The following UBE2E2 variants were observed in gnomAD, a reference collection of about 807,000 sequenced individuals.
UBE2E2 encodes the protein ubiquitin conjugating enzyme E2 E2, also known as ubiquitin-conjugating enzyme E2 E2.
In UBE2E2, 6 loss-of-function variants were observed where a neutral mutation model predicts 24.7. The ratio of observed to expected loss-of-function variants is 0.24; its 90% CI spans 0.13 to 0.48. The LOEUF is 0.48. Ranked by LOEUF, UBE2E2 falls within the 20% of genes least tolerant of loss-of-function variation. The pLI, the probability that UBE2E2 is intolerant of heterozygous loss-of-function variation, is 0.99. For missense variants in UBE2E2, 169 were observed against 245.0 expected, an observed-to-expected ratio of 0.69 and a Z score of 2.07; for synonymous variants, 104 against 83.6, an observed-to-expected ratio of 1.24 and a Z score of -1.33.
chr3:23,410,595 A>T (rs1697474460), intron 3 of UBE2E2, among the ~76,000 whole-genome samples: 4 of 152,170 alleles, frequency 2.6e-5, no homozygotes, highest in African/African-American at 9.7e-5. Context: ...CTTTTCTACT[A>T]ATTTTATTCC....
chr3:23,417,615 G>T (rs546457916), intron 3 of UBE2E2, among the ~76,000 whole-genome samples: 1 of 152,130 alleles, frequency 6.6e-6, no homozygotes, highest in African/African-American at 2.4e-5. Flanking sequence ...CTGCAGAGCC[G>T]GCAGGCAGGA....
At chr3:23,451,892 T>C (rs2125416867) in intron 3 of UBE2E2, among the ~76,000 whole-genome samples, 1 of 152,356 alleles carries the variant, frequency 6.6e-6, no homozygotes, top group Middle Eastern at 3.4e-3. Flanking sequence ...ATGGATGTTG[T>C]TGCTTATCTC....
At chr3:23,563,078 T>G (rs1458633896) in intron 5 of UBE2E2, among the ~76,000 whole-genome samples, 7 of 152,022 alleles carry the variant, frequency 4.6e-5, no homozygotes, top group Admixed American at 2.0e-4. Context: ...CTTCAGTTCT[T>G]CTCTGATCTT....
intron 3 of UBE2E2, among the ~76,000 whole-genome samples, chr3:23,435,429 C>T (rs2125403935): frequency 6.6e-6 from 1 of 152,340 alleles, no homozygotes; most frequent in Non-Finnish European, 1.5e-5. Context: ...TGGTTTTGGT[C>T]ACTTCCTCCT....
At chr3:23,410,741 A>C (rs1324864191) in intron 3 of UBE2E2, among the ~76,000 whole-genome samples, 1 of 152,188 alleles carries the variant, frequency 6.6e-6, no homozygotes, top group Admixed American at 6.6e-5. Flanking sequence ...AGCAGAAAAC[A>C]TCAAATGTCC....
At position 23,208,845 on chromosome 3, in the gene UBE2E2, C is replaced by T. The variant is rs1696231287; in HGVS notation, c.146C>T (p.Thr49Ile). Residue 49 changes from threonine to isoleucine, a missense_variant, in exon 2 of 6, where the codon ACC (threonine) becomes ATC (isoleucine). Physicochemically the swap from Thr to Ile is moderately conservative, Grantham distance 89. Around this residue, in one of 2 missense-constraint regions of UBE2E2, gnomAD observed 64 missense variants for 64.3 expected, o/e 1.00. Coordinates refer to ENST00000396703, the MANE Select transcript of UBE2E2 (RefSeq NM_152653.4). ...AAGGAGGGAAAAATATCCAGCAAAACCGCTGCTAAATTGTCAACTAGTGCT... is the reference window on the plus strand; with the variant it reads ...AAGGAGGGAAAAATATCCAGCAAAATCGCTGCTAAATTGTCAACTAGTGCT... ...KKKEGKISSKTAAKLSTSAKR... is the reference protein window; with the variant it reads ...KKKEGKISSKIAAKLSTSAKR... 1 of 1,613,136 alleles carries T rather than the reference C, an allele frequency of 6.2e-7. No homozygotes were observed. Among genetic ancestry groups the T allele is most frequent in the Non-Finnish European group, 8.5e-7 (1 of 1,179,504 alleles).
intron 3 of UBE2E2, among the ~76,000 whole-genome samples, chr3:23,225,534 G>C (rs1334420276): frequency 1.3e-5 from 2 of 151,874 alleles, no homozygotes; most frequent in Admixed American, 6.6e-5. Flanking sequence ...CAGTGTCCCA[G>C]CACCATTCGT....
intron 3 of UBE2E2, among the ~76,000 whole-genome samples, chr3:23,244,101 T>C (rs573773481): frequency 6.7e-6 from 1 of 148,452 alleles, no homozygotes; most frequent in East Asian, 2.0e-4. Context: ...AGGGTGATTT[T>C]ATAGGAAGAA....
intron 3 of UBE2E2, among the ~76,000 whole-genome samples, chr3:23,306,809 G>C (rs1201615640): frequency 6.6e-6 from 1 of 152,150 alleles, no homozygotes; most frequent in African/African-American, 2.4e-5. Context: ...ATGGGTGCAT[G>C]ATGTGCAGAA....
At chr3:23,562,163 G>C (rs892139072) in intron 5 of UBE2E2, among the ~76,000 whole-genome samples, 17 of 152,048 alleles carry the variant, frequency 1.1e-4, no homozygotes, top group African/African-American at 4.1e-4. Flanking sequence ...CAAAGGGAAT[G>C]CTTCCAGTTT....
intron 3 of UBE2E2, among the ~76,000 whole-genome samples, chr3:23,477,296 A>T (rs1259235203): frequency 6.6e-6 from 1 of 152,218 alleles, no homozygotes; most frequent in Non-Finnish European, 1.5e-5. Flanking sequence ...AAATAGAAAA[A>T]TGCAACTTGT....
chr3:23,523,912 AG>A (rs1191085084), intron 4 of UBE2E2, among the ~76,000 whole-genome samples: 2 of 147,716 alleles, frequency 1.4e-5, no homozygotes, highest in Non-Finnish European at 3.0e-5. Context: ...ACCATTTTAG[AG>A]CTTTGTTACA....
chr3:23,383,637 T>C (rs191002219), intron 3 of UBE2E2, among the ~76,000 whole-genome samples: 1 of 152,098 alleles, frequency 6.6e-6, no homozygotes, highest in African/African-American at 2.4e-5. Flanking sequence ...CTGAGGTTTT[T>C]TTTGTTTTGT....
At chr3:23,495,209 G>A (rs1172408760) in intron 3 of UBE2E2, among the ~76,000 whole-genome samples, 1 of 152,150 alleles carries the variant, frequency 6.6e-6, no homozygotes, top group Non-Finnish European at 1.5e-5. Context: ...TAACTACATA[G>A]ACAGCTGACT....
intron 3 of UBE2E2, among the ~76,000 whole-genome samples, chr3:23,321,532 A>G (rs530976743): frequency 2.0e-5 from 3 of 151,536 alleles, no homozygotes; most frequent in Non-Finnish European, 2.9e-5. Context: ...ACCAGCTGCT[A>G]AATCTCCTAG....
At chr3:23,451,866 C>T (rs929540139) in intron 3 of UBE2E2, among the ~76,000 whole-genome samples, 12 of 151,938 alleles carry the variant, frequency 7.9e-5, no homozygotes, top group Non-Finnish European at 1.3e-4. Context: ...AGAGCAGTAC[C>T]TAAAGGGTAA....
intron 3 of UBE2E2, among the ~76,000 whole-genome samples, chr3:23,261,737 C>T (rs1697906505): frequency 6.6e-6 from 1 of 152,164 alleles, no homozygotes; most frequent in Non-Finnish European, 1.5e-5. Context: ...TTCTCTTTCT[C>T]ACTTCACTTA....
chr3:23,523,965 G>C (rs912852599), intron 4 of UBE2E2, among the ~76,000 whole-genome samples: 2 of 151,444 alleles, frequency 1.3e-5, no homozygotes, highest in Admixed American at 6.6e-5. Context: ...AATATTTGTG[G>C]GGTTGGGGGG....
chr3:23,245,329 AT>A (rs1255427592), intron 3 of UBE2E2, among the ~76,000 whole-genome samples: 1 of 152,192 alleles, frequency 6.6e-6, no homozygotes, highest in Non-Finnish European at 1.5e-5. Flanking sequence ...ATATTGTCAT[AT>A]TCTCATTTAT....
Sources: gnomAD v4.1 joint callset for allele counts (sites outside exome capture counted in the v4.1 genomes callset) on GRCh38, gnomAD v4.1.1 for gene constraint, gnomAD v4.1.1 regional missense constraint, MANE v1.5 for transcripts, NCBI Gene and HGNC (gene_info 2026-07-23, HGNC 2026-07-21) for gene names.